DDX60: variants seen among roughly 807,000 people sequenced by gnomAD.
DDX60 encodes the protein probable ATP-dependent RNA helicase DDX60.
Under a neutral mutation model 212.8 loss-of-function variants are expected in DDX60, and 165 were observed. The observed-to-expected ratio is 0.78, with a 90% CI of 0.68 to 0.88. DDX60 has a LOEUF of 0.88. Among genes scored for constraint, DDX60 ranks in the 40% least tolerant of loss-of-function variants. The pLI, the probability that DDX60 is intolerant of heterozygous loss-of-function variation, is 0.00. For missense variants in DDX60, 1,905 were observed against 2,003.9 expected (o/e 0.95, Z 0.94); for synonymous variants, 703 against 685.3 (o/e 1.03, Z -0.40).
chr4:168,307,976 T>C, intron 4 of DDX60, 30 bp downstream of exon 4: 1 of 1,422,014 alleles, frequency 7.0e-7, no homozygotes, highest in Non-Finnish European at 9.3e-7. Context: ...AGTTCTCATA[T>C]TATAAAAAAG....
intron 13 of DDX60, among the ~76,000 whole-genome samples, chr4:168,282,768 A>C (rs1735649451): frequency 6.6e-6 from 1 of 152,202 alleles, no homozygotes; most frequent in Admixed American, 6.5e-5. Context: ...TTTTAAAATA[A>C]AAATATCTGT....
At chr4:168,243,197 A>C (rs945843530) in intron 30 of DDX60, among the ~76,000 whole-genome samples, 5 of 152,194 alleles carry the variant, frequency 3.3e-5, no homozygotes, top group Non-Finnish European at 5.9e-5. Flanking sequence ...CTTTATCAGC[A>C]GCATGAACAT....
intron 30 of DDX60, among the ~76,000 whole-genome samples, chr4:168,246,012 G>A (rs1342741388): frequency 6.6e-6 from 1 of 152,012 alleles, no homozygotes; most frequent in African/African-American, 2.4e-5. Context: ...CTAAGTTTGA[G>A]TTACTTTTTT....
At chr4:168,289,395 T>C (rs1057479355) in intron 8 of DDX60, among the ~76,000 whole-genome samples, 5 of 152,202 alleles carry the variant, frequency 3.3e-5, no homozygotes, top group Admixed American at 6.5e-5. Context: ...ATCTAAGTAG[T>C]TCCTTCTCAG....
chr4:168,280,264 A>G, intron 14 of DDX60, 71 bp downstream of exon 14: 1 of 1,525,452 alleles, frequency 6.6e-7, no homozygotes, highest in Non-Finnish European at 8.8e-7. Context: ...CCAGTTAACA[A>G]ATGGCAACTA....
chr4:168,252,131 C>A (rs1302856065), intron 27 of DDX60, among the ~76,000 whole-genome samples: 1 of 152,180 alleles, frequency 6.6e-6, no homozygotes, highest in African/African-American at 2.4e-5. Flanking sequence ...AAATTGAAGT[C>A]TAGAATTCAG....
Position 168,276,149 on chromosome 4 carries a change from G to A in DDX60, c.2011C>T (p.Gln671Ter), listed in dbSNP as rs377745485. The change falls in exon 15 of 38, where the codon CAG becomes TAG. Residue 671 changes from glutamine (Q) to a stop codon, truncating the protein, a stop_gained. Coordinates refer to ENST00000393743, the MANE Select transcript of DDX60 (RefSeq NM_017631.6). LOFTEE classifies it high-confidence loss of function. ...AAGGAGTGGATCCTTTTCATCACCT[G>A]AACAGCTATACTTAAATCTTTCGTG... ...KTTKDLSIAV[Q>*]VMKRIHSLME... 6.2e-7 allele frequency: 1 copy of A among 1,612,026 alleles called. No homozygotes were observed. The highest frequency in any genetic ancestry group is 1.7e-5 in the Admixed American group (1 of 59,878).
intron 25 of DDX60, among the ~76,000 whole-genome samples, chr4:168,260,190 G>A (rs528295371): frequency 6.6e-6 from 1 of 152,058 alleles, no homozygotes; most frequent in East Asian, 1.9e-4. Flanking sequence ...ATGTATACAT[G>A]TGCCATGTTG....
chr4:168,316,304 T>C (rs987863386), intron 1 of DDX60, among the ~76,000 whole-genome samples: 2 of 152,204 alleles, frequency 1.3e-5, no homozygotes, highest in Non-Finnish European at 2.9e-5. Context: ...GTCACTGCTG[T>C]TTACTTCTTT....
intron 24 of DDX60, among the ~76,000 whole-genome samples, chr4:168,261,750 C>T (rs544400464): frequency 2.0e-5 from 3 of 152,278 alleles, no homozygotes; most frequent in East Asian, 3.9e-4. Flanking sequence ...ACCTTCTGTT[C>T]TTATCTGCTA....
chr4:168,307,660 G>T (rs1004807279), intron 4 of DDX60, among the ~76,000 whole-genome samples: 2 of 152,074 alleles, frequency 1.3e-5, no homozygotes, highest in African/African-American at 4.8e-5. Context: ...TTTCCTCTGG[G>T]CTCATATAAA....
intron 14 of DDX60, among the ~76,000 whole-genome samples, chr4:168,279,547 G>A (rs1244293165): frequency 1.3e-5 from 2 of 152,182 alleles, no homozygotes; most frequent in African/African-American, 4.8e-5. Flanking sequence ...AGATGCAATG[G>A]ATTAATTAAA....
chr4:168,231,041 C>T (rs1019629749), intron 33 of DDX60, among the ~76,000 whole-genome samples: 14 of 150,514 alleles, frequency 9.3e-5, no homozygotes, highest in Middle Eastern at 3.2e-3. Context: ...CACAGAAGTA[C>T]GAAAAAAAAA....
the DDX60 span, among the ~76,000 whole-genome samples, chr4:168,324,812 G>A: frequency 2.0e-5 from 3 of 152,200 alleles, no homozygotes; most frequent in African/African-American, 7.2e-5. Context: ...AATCTCTGCA[G>A]AGGAGGATAT....
Position 168,308,134 on chromosome 4 carries a change from A to T in DDX60, c.136T>A (p.Leu46Ile). ...SEFFLIDGDS[L>I]LITCICEISF... ...ATCTCACAGATACATGTGATAAGTA[A>T]TGAATCCCCATCAATCAAAAAAAAT... Residue 46 changes from leucine to isoleucine, a missense_variant, in exon 4 of 38, where the codon TTA becomes ATA. By Grantham distance (5) the Leu-to-Ile change is conservative. Coordinates refer to ENST00000393743, the MANE Select transcript of DDX60 (RefSeq NM_017631.6). 6.2e-7 allele frequency: 1 copy of T among 1,603,160 alleles called. No individual in the cohort carries two copies. Among genetic ancestry groups the T allele is most frequent in the Non-Finnish European group, 8.5e-7 (1 of 1,173,472 alleles).
chr4:168,237,412 C>T lies in DDX60; in HGVS notation c.4285G>A (p.Glu1429Lys). ...CCAGCAAACCCCATAGGATTACCTT[C>T]TTGATCTAAATAGCCCTAAAGAACA... ...FLVKEGYLDQ[E>K]GNPMGFAGLV... The change falls in exon 32 of 38, where the codon GAA becomes AAA. Residue 1429 changes from glutamate (E) to lysine (K), a missense_variant. Coordinates refer to ENST00000393743, the MANE Select transcript of DDX60 (RefSeq NM_017631.6). The T allele has an allele frequency of 6.3e-7, 1 of 1,577,876 alleles. No individual in the cohort carries two copies.
chr4:168,296,210 A>G (rs564004033), intron 6 of DDX60, among the ~76,000 whole-genome samples: 1 of 152,330 alleles, frequency 6.6e-6, no homozygotes, highest in African/African-American at 2.4e-5. Context: ...CCATGTAATC[A>G]TGTCACGTTG....
intron 30 of DDX60, among the ~76,000 whole-genome samples, chr4:168,240,420 C>A (rs1046723431): frequency 1.1e-4 from 16 of 152,236 alleles, no homozygotes; most frequent in African/African-American, 3.6e-4. Context: ...AGATTCAGTG[C>A]TATTCCCATT....
chr4:168,243,401 C>T (rs555066208), intron 30 of DDX60, among the ~76,000 whole-genome samples: 61 of 151,916 alleles, frequency 4.0e-4, no homozygotes, highest in Admixed American at 1.5e-3. Flanking sequence ...GGAACTTAAA[C>T]AAATTTATAA....
Sources: allele counts gnomAD v4.1 joint callset (sites outside exome capture counted in the v4.1 genomes callset), GRCh38; gene constraint gnomAD v4.1.1; transcripts MANE v1.5; gene names NCBI Gene and HGNC (gene_info 2026-07-23, HGNC 2026-07-21).